RIMS2: variants seen among roughly 807,000 people sequenced by gnomAD.
RIMS2 encodes regulating synaptic membrane exocytosis protein 2.
A neutral mutation model predicts 174.4 loss-of-function variants in RIMS2; 59 were observed. That is an observed-to-expected ratio of 0.34 (90% CI 0.27 to 0.42). The LOEUF (loss-of-function observed/expected upper bound fraction) is 0.42, where lower values mean the gene tolerates loss of function less well. RIMS2 is among the 10% of genes least tolerant of loss of function. RIMS2 has a pLI of 1.00. For missense variants in RIMS2, 1,620 were observed against 1,666.3 expected (o/e 0.97, Z 0.48); for synonymous variants, 606 against 572.5 (o/e 1.06, Z -0.84).
chr8:104,162,487 A>G (rs572490728), intron 19 of RIMS2, among the ~76,000 whole-genome samples: 2 of 152,334 alleles, frequency 1.3e-5, no homozygotes, highest in African/African-American at 4.8e-5. Context: ...ACAGAAATCT[A>G]AAATCAGAAA....
intron 3 of RIMS2, among the ~76,000 whole-genome samples, chr8:103,805,310 T>C (rs1221963421): frequency 6.6e-6 from 1 of 152,310 alleles, no homozygotes; most frequent in East Asian, 1.9e-4. Flanking sequence ...AGATTTGGGA[T>C]GCATCTTAGT....
chr8:104,130,217 C>G (rs2098463562), intron 19 of RIMS2, among the ~76,000 whole-genome samples: 1 of 152,058 alleles, frequency 6.6e-6, no homozygotes, highest in Admixed American at 6.6e-5. Context: ...TAGTAAGATC[C>G]TGAGAAAACA....
intron 19 of RIMS2, among the ~76,000 whole-genome samples, chr8:104,060,191 A>C (rs1407021649): frequency 6.6e-6 from 1 of 151,606 alleles, no homozygotes; most frequent in Admixed American, 6.6e-5. Context: ...CTGTGAATCC[A>C]TCTGGTCCTG....
chr8:103,900,019 C>T (rs2099318776), intron 4 of RIMS2, among the ~76,000 whole-genome samples: 1 of 151,622 alleles, frequency 6.6e-6, no homozygotes, highest in Non-Finnish European at 1.5e-5. Context: ...TATCAAAGAT[C>T]AGATAGTTGT....
At chr8:104,068,448 C>T in intron 19 of RIMS2, 64 bp from the exon 23 acceptor site, 1 of 714,434 alleles carries the variant, frequency 1.4e-6, no homozygotes, top group Middle Eastern at 2.4e-4. Context: ...TTTATACATC[C>T]TGTAAGTCGG....
intron 19 of RIMS2, among the ~76,000 whole-genome samples, chr8:104,176,084 C>T (rs959518106): frequency 6.6e-6 from 1 of 152,144 alleles, no homozygotes; most frequent in African/African-American, 2.4e-5. Context: ...GGAATTATAA[C>T]AATCTCGAGT....
chr8:103,995,914 T>C (rs757228116), intron 17 of RIMS2, among the ~76,000 whole-genome samples: 38 of 151,936 alleles, frequency 2.5e-4, no homozygotes, highest in Non-Finnish European at 4.3e-4. Flanking sequence ...TAAGCAAGGC[T>C]TGTAAATCCA....
intron 1 of RIMS2, among the ~76,000 whole-genome samples, chr8:103,609,511 C>T (rs1465639419): frequency 6.6e-6 from 1 of 152,240 alleles, no homozygotes; most frequent in Non-Finnish European, 1.5e-5. Context: ...CTCTTTAATC[C>T]ATCTTGAGTT....
At chr8:104,203,761 C>T (rs2511548) in intron 19 of RIMS2, among the ~76,000 whole-genome samples, 87,489 of 151,890 alleles carry the variant, frequency 0.58, 25,312 homozygotes, top group East Asian at 0.65. Flanking sequence ...GCCTTGGCCT[C>T]CCAAAGTGCT....
At chr8:103,633,397 G>A (rs2095994277) in intron 1 of RIMS2, among the ~76,000 whole-genome samples, 1 of 152,062 alleles carries the variant, frequency 6.6e-6, no homozygotes, top group African/African-American at 2.4e-5. Context: ...AAGCCTACTT[G>A]ATCATGGTGG....
At chr8:103,501,925 A>G (rs967631611) in intron 1 of RIMS2, among the ~76,000 whole-genome samples, 2 of 152,308 alleles carry the variant, frequency 1.3e-5, no homozygotes, top group South Asian at 4.1e-4. Context: ...AACTGTCCAG[A>G]CAGGGTTATC....
chr8:104,076,085 T>A (rs2097285619), intron 19 of RIMS2, among the ~76,000 whole-genome samples: 1 of 152,228 alleles, frequency 6.6e-6, no homozygotes, highest in South Asian at 2.1e-4. Context: ...ACTTAGATTT[T>A]GAAATCCAGG....
chr8:103,658,954 TC>T (rs1225536469), intron 1 of RIMS2, among the ~76,000 whole-genome samples: 4 of 152,216 alleles, frequency 2.6e-5, no homozygotes, highest in African/African-American at 4.8e-5. Context: ...TGTGGGGCAG[TC>T]CATTATTCAT....
At chr8:103,831,801 A>T (rs1304655466) in intron 3 of RIMS2, among the ~76,000 whole-genome samples, 1 of 152,202 alleles carries the variant, frequency 6.6e-6, no homozygotes, top group Non-Finnish European at 1.5e-5. Flanking sequence ...TCTTTTGCTG[A>T]AATGGAAAAC....
chr8:103,868,555 A>G (rs141807681), intron 3 of RIMS2, among the ~76,000 whole-genome samples: 2 of 152,236 alleles, frequency 1.3e-5, no homozygotes, highest in African/African-American at 4.8e-5. Flanking sequence ...TATTAATGAT[A>G]ATAGCATGAA....
At chr8:103,787,480 C>G (rs2098454674) in intron 3 of RIMS2, among the ~76,000 whole-genome samples, 1 of 150,802 alleles carries the variant, frequency 6.6e-6, no homozygotes, top group Non-Finnish European at 1.5e-5. Context: ...GTGACAAAAT[C>G]TCTCAGCATT....
chr8:103,725,364 T>G (rs2097514907), intron 2 of RIMS2, among the ~76,000 whole-genome samples: 1 of 152,154 alleles, frequency 6.6e-6, no homozygotes, highest in South Asian at 2.1e-4. Flanking sequence ...CCTAGGAAGT[T>G]TATGCATGCC....
At chr8:103,944,503 G>A (rs1213655199) in intron 14 of RIMS2, among the ~76,000 whole-genome samples, 1 of 151,912 alleles carries the variant, frequency 6.6e-6, no homozygotes, top group East Asian at 1.9e-4. Flanking sequence ...ATTGCAATAG[G>A]TAATAGATTG....
intron 17 of RIMS2, among the ~76,000 whole-genome samples, chr8:103,996,627 A>G (rs2095118249): frequency 6.6e-6 from 1 of 151,938 alleles, no homozygotes; most frequent in Admixed American, 6.6e-5. Flanking sequence ...AGAACCACTC[A>G]TATAGGTGAG....
Sources: allele counts gnomAD v4.1 joint callset (sites outside exome capture counted in the v4.1 genomes callset), GRCh38; gene constraint gnomAD v4.1.1; transcripts MANE v1.5; gene names NCBI Gene and HGNC (gene_info 2026-07-23, HGNC 2026-07-21).